The following TSR1 variants were observed in gnomAD, a reference collection of about 807,000 sequenced individuals.
TSR1 encodes TSR1 ribosome maturation factor.
In TSR1, 81 loss-of-function variants were observed where a neutral mutation model predicts 90.9. The observed-to-expected ratio is 0.89, with a 90% CI of 0.74 to 1.07. The LOEUF is 1.07. Among genes scored for constraint, TSR1 ranks in the 50% least tolerant of loss-of-function variants. TSR1 has a pLI of 0.00. For synonymous variants in TSR1, 362 were observed against 348.8 expected (o/e 1.04, Z -0.42); for missense variants, 989 against 987.3 (o/e 1.00, Z -0.02).
At chr17:2,335,883 CCAAAG>C (rs2064065542) in intron 2 of TSR1, among the ~76,000 whole-genome samples, 149 bp downstream of exon 2, 1 of 152,224 alleles carries the variant, frequency 6.6e-6, no homozygotes, top group South Asian at 2.1e-4. Flanking sequence ...GGAATTCTGA[CCAAAG>C]CAAAGAATGC....
chr17:2,331,894 A>C (rs983912336), intron 8 of TSR1, among the ~76,000 whole-genome samples: 8 of 152,178 alleles, frequency 5.3e-5, no homozygotes, highest in African/African-American at 1.9e-4. Flanking sequence ...ACTTCAATTG[A>C]GTACTGGCTC....
intron 10 of TSR1, chr17:2,330,110 G>C (rs941284362): frequency 2.7e-6 from 1 of 367,428 alleles, no homozygotes; most frequent in African/African-American, 2.1e-5. Context: ...GTAGAGACAG[G>C]GTTCCTCCAT....
rs112011081 is a variant in TSR1, at chr17:2,333,025, C to A, written c.1241G>T (p.Gly414Val). Residue 414 changes from glycine to valine, a missense_variant, in exon 7 of 15, where the codon GGG becomes GTG. Coordinates refer to ENST00000301364, the MANE Select transcript of TSR1 (RefSeq NM_018128.5). ...WILDGGSQSG[G>V]EGDEYEYDDM... Reference sequence around the variant, plus strand: ...ATCATATTCATATTCATCTCCTTCCCCACCACTTTGGCTGCCACCATCCAA... The same window carrying A: ...ATCATATTCATATTCATCTCCTTCCACACCACTTTGGCTGCCACCATCCAA... The A allele has an allele frequency of 5.0e-6, 8 of 1,614,084 alleles. No individual in the cohort carries two copies. The highest frequency in any genetic ancestry group is 2.7e-5 in the African/African-American group (2 of 75,002).
rs141591550 is a variant in TSR1, at chr17:2,324,249, G to T, written c.2362C>A (p.Pro788Thr). 1.4e-5 allele frequency: 21 copies of T among 1,537,942 alleles called. No homozygotes were observed. The highest frequency in any genetic ancestry group is 1.6e-5 in the Non-Finnish European group (18 of 1,148,386). ...TYDPYVPEPVPWLKSEISSTV... is the reference protein window; with the variant it reads ...TYDPYVPEPVTWLKSEISSTV... Reference sequence around the variant, plus strand: ...GAAGAAATCTCACTTTTCAGCCAGGGTACTGGTTCTGGTACATATGGATCA... The same window carrying T: ...GAAGAAATCTCACTTTTCAGCCAGGTTACTGGTTCTGGTACATATGGATCA... The change falls in exon 15 of 15, where the codon CCC (proline) becomes ACC (threonine). Residue 788 changes from proline (P) to threonine (T), a missense_variant. Coordinates refer to ENST00000301364, the MANE Select transcript of TSR1 (RefSeq NM_018128.5).
At position 2,322,758 on chromosome 17, in the gene TSR1, C is replaced by T. The variant is rs1342684402; in HGVS notation, c.*1438G>A. 2 of 223,554 alleles carry T rather than the reference C, an allele frequency of 8.9e-6. No homozygotes were observed. Among genetic ancestry groups the T allele is most frequent in the East Asian group, 1.1e-4 (1 of 8,736 alleles). 13.8% of individuals were successfully genotyped at this position (223,554 alleles called of 1,614,324 possible). ...GTCTTGATCTCCCTACCTCGTGATCCGCCCACCTCGGCCTCCCAAAGTGCT... is the reference window on the plus strand; with the variant it reads ...GTCTTGATCTCCCTACCTCGTGATCTGCCCACCTCGGCCTCCCAAAGTGCT... On this transcript the variant is annotated 3_prime_UTR_variant, in exon 15 of 15. Transcript: ENST00000301364.
At chr17:2,328,609 CAAACAAAAAA>C (rs1220378705) in intron 11 of TSR1, among the ~76,000 whole-genome samples, 2 of 143,602 alleles carry the variant, frequency 1.4e-5, no homozygotes, top group Admixed American at 7.0e-5. Flanking sequence ...AACAAACAAA[CAAACAAAAAA>C]AAACAAAAAA....
rs2075565615 is a variant in TSR1 at position 2,324,834 on chromosome 17, A to T, written c.2021-5T>A. On this transcript the variant is annotated splice_polypyrimidine_tract_variant and splice_region_variant and intron_variant, in intron 12 of 14. Coordinates refer to ENST00000301364, the MANE Select transcript of TSR1 (RefSeq NM_018128.5). ...TAGCAATGAGGCTGTGCATTCCTAA[A>T]GGACAAAAGCAAAGAAGCTATTTAG... The T allele has an allele frequency of 1.2e-6, 2 of 1,604,414 alleles. No individual in the cohort carries two copies. The highest frequency in any genetic ancestry group is 4.5e-5 in the East Asian group (2 of 44,854).
Position 2,332,037 on chromosome 17 carries a change from A to C in TSR1, c.1496+132T>G, listed in dbSNP as rs1298621799. 28 of 959,820 alleles carry C rather than the reference A, an allele frequency of 2.9e-5. No homozygotes were observed. In the Admixed American group the frequency reaches 6.5e-4, roughly 22 times the overall value. 59.5% of individuals were successfully genotyped at this position (959,820 alleles called of 1,614,324 possible). A position where few individuals can be genotyped will look rare whatever the true frequency, so the allele number is the denominator to read the frequency against. ...CCGTATGTATGTCCTGCCTTCCCAT[A>C]TTAAATGTTAGCTCTTCAGGAGCAG... On this transcript the variant is annotated intron_variant, in intron 8 of 14. Coordinates refer to ENST00000301364, the MANE Select transcript of TSR1 (RefSeq NM_018128.5).
chr17:2,323,451 A>C lies in TSR1; in HGVS notation c.*745T>G. 7.5e-7 allele frequency: 1 copy of C among 1,325,098 alleles called. No individual in the cohort carries two copies. The highest frequency in any genetic ancestry group is 1.1e-6 in the Non-Finnish European group (1 of 940,566). The allele number at this position is 1,325,098 out of a possible 1,614,324, so 82.1% of individuals were successfully genotyped here. The stretch of plus-strand genomic sequence containing the variant: ...TGACCCACGGGAACCTGACTAGGTA[A>C]CTTCATGACATGGGAGGGTACCCTA... On this transcript the variant is annotated 3_prime_UTR_variant, in exon 15 of 15. Transcript: ENST00000301364.
intron 4 of TSR1, 96 bp downstream of exon 4, chr17:2,335,164 C>T: frequency 7.5e-7 from 1 of 1,336,734 alleles, no homozygotes; most frequent in Non-Finnish European, 1.0e-6. Flanking sequence ...CATCCCACCA[C>T]CAGCTGAATA....
Position 2,333,131 on chromosome 17 carries a change from A to G in TSR1, c.1142-7T>C. ...GAACTTTCCTTCAAGAAATCTGTAA[A>G]AGCCCAAACAAATTAAGTAAATTAC... is the stretch of plus-strand genomic sequence containing the variant. On this transcript the variant is annotated splice_region_variant and splice_polypyrimidine_tract_variant and intron_variant, in intron 6 of 14. Transcript: ENST00000301364. The G allele has an allele frequency of 6.2e-7, 1 of 1,612,776 alleles. No homozygotes were observed. The highest frequency in any genetic ancestry group is 1.3e-5 in the African/African-American group (1 of 74,938).
chr17:2,322,940 T>C lies in TSR1; in HGVS notation c.*1256A>G. ...CCACCACGCCTGGCTGATTTTCCTA[T>C]TTTTAGTTGACACTGCATTTCACCA... On this transcript the variant is annotated 3_prime_UTR_variant, in exon 15 of 15. Coordinates refer to ENST00000301364, the MANE Select transcript of TSR1 (RefSeq NM_018128.5). 1 of 563,478 alleles carries C rather than the reference T, an allele frequency of 1.8e-6. No homozygotes were observed. Among genetic ancestry groups the C allele is most frequent in the Non-Finnish European group, 3.2e-6 (1 of 315,500 alleles). The allele number at this position is 563,478 out of a possible 1,614,324, so 34.9% of individuals were successfully genotyped here. A position where few individuals can be genotyped will look rare whatever the true frequency, so the allele number is the denominator to read the frequency against.
chr17:2,327,107 CA>C (rs561239602), intron 11 of TSR1, among the ~76,000 whole-genome samples: 79 of 143,176 alleles, frequency 5.5e-4, no homozygotes, highest in African/African-American at 1.7e-3. Context: ...CTCCATCTCC[CA>C]AAAAAAAAAA....
chr17:2,327,702 TTAAC>T (rs1245509743), intron 11 of TSR1, among the ~76,000 whole-genome samples: 6 of 152,118 alleles, frequency 3.9e-5, no homozygotes, highest in Non-Finnish European at 5.9e-5. Flanking sequence ...AAAAGTCTCA[TTAAC>T]TAATTAATCT....
chr17:2,330,688 C>G, intron 9 of TSR1, 63 bp from the exon 10 acceptor site: 3 of 1,517,864 alleles, frequency 2.0e-6, no homozygotes, highest in East Asian at 2.3e-5. Context: ...AGCGAGGAAG[C>G]TTTCTCCAAA....
rs571581455 is a variant in TSR1 at position 2,336,113 on chromosome 17, T to C, written c.125A>G (p.Lys42Arg). Residue 42 changes from lysine (K) to arginine (R), a missense_variant, in exon 2 of 15, where the codon AAG becomes AGG. Transcript: ENST00000301364. ...KGRLALKTLS[K>R]KVRKELSRVD... ...TCTGCTGAGTTCTTTTCTCACCTTC[T>C]TGCTTAGGGTTTTCAGTGCCAGACG... The C allele has an allele frequency of 6.2e-6, 10 of 1,614,058 alleles. No homozygotes were observed. The highest frequency in any genetic ancestry group is 8.5e-6 in the Non-Finnish European group (10 of 1,180,030).
Position 2,336,357 on chromosome 17 carries a change from C to A in TSR1, c.71G>T (p.Arg24Leu). ...KAHKGGRHRG[R>L]GSAQRDGKGR... is the part of the protein sequence containing the mutation. ...CTTGCCGTCCCGCTGTGCAGATCCC[C>A]GACCCCGATGCCGTCCGCCTTTATG... Residue 24 changes from arginine to leucine, a missense_variant, in exon 1 of 15, where the codon CGG (arginine) becomes CTG (leucine). Arg to Leu is a moderately radical substitution (Grantham distance 102). Transcript: ENST00000301364. 6.2e-7 allele frequency: 1 copy of A among 1,613,990 alleles called. No individual in the cohort carries two copies. Among genetic ancestry groups the A allele is most frequent in the Non-Finnish European group, 8.5e-7 (1 of 1,180,040 alleles).
intron 8 of TSR1, among the ~76,000 whole-genome samples, chr17:2,331,400 G>A (rs2064002128): frequency 6.6e-6 from 1 of 152,210 alleles, no homozygotes. Context: ...CCCAGTGTTG[G>A]AGGTGGAGCC....
intron 11 of TSR1, chr17:2,328,949 AGAAAC>A: frequency 1.1e-5 from 2 of 188,868 alleles, no homozygotes; most frequent in South Asian, 1.4e-4. Context: ...AAAAAAAAAC[AGAAAC>A]AAAAACAAGA....
Sources: gnomAD v4.1 joint callset for allele counts (sites outside exome capture counted in the v4.1 genomes callset) on GRCh38, gnomAD v4.1.1 for gene constraint, MANE v1.5 for transcripts, NCBI Gene and HGNC (gene_info 2026-07-23, HGNC 2026-07-21) for gene names.